ATRNL1: variants seen among roughly 807,000 people sequenced by gnomAD.
The protein encoded by ATRNL1 is attractin like 1.
A neutral mutation model predicts 182.7 loss-of-function variants in ATRNL1; 95 were observed. The ratio of observed to expected loss-of-function variants is 0.52; its 90% CI spans 0.44 to 0.62. The LOEUF (loss-of-function observed/expected upper bound fraction) is 0.62, where lower values mean the gene tolerates loss of function less well. Among genes scored for constraint, ATRNL1 ranks in the 20% least tolerant of loss-of-function variants. The pLI is 0.00. For missense variants in ATRNL1, 1,471 were observed against 1,679.5 expected (o/e 0.88, Z 2.17); for synonymous variants, 576 against 568.3 (o/e 1.01, Z -0.19).
chr10:115,462,325 A>C (rs1414117044), intron 22 of ATRNL1, among the ~76,000 whole-genome samples: 2 of 152,140 alleles, frequency 1.3e-5, no homozygotes, highest in African/African-American at 2.4e-5. Context: ...ATTTAAAAAT[A>C]AAACTCGTTC....
chr10:115,808,647 A>G (rs1555086192), intron 27 of ATRNL1, among the ~76,000 whole-genome samples: 2 of 152,170 alleles, frequency 1.3e-5, no homozygotes, highest in Non-Finnish European at 2.9e-5. Context: ...TCCCACTAGC[A>G]ATGTGCAAAA....
At chr10:115,942,307 C>A (rs1486133135) in intron 28 of ATRNL1, among the ~76,000 whole-genome samples, 1 of 152,254 alleles carries the variant, frequency 6.6e-6, no homozygotes, top group Non-Finnish European at 1.5e-5. Context: ...GCCGTACTTC[C>A]TGTCACTCCA....
intron 20 of ATRNL1, among the ~76,000 whole-genome samples, chr10:115,399,902 C>T (rs1368746243): frequency 1.3e-5 from 2 of 151,952 alleles, no homozygotes; most frequent in African/African-American, 4.8e-5. Context: ...GATGAAGGCA[C>T]CGAAAGCAAT....
intron 19 of ATRNL1, among the ~76,000 whole-genome samples, chr10:115,391,746 C>T (rs1181830157): frequency 6.6e-6 from 1 of 151,720 alleles, no homozygotes; most frequent in East Asian, 1.9e-4. Flanking sequence ...GAGATGAACA[C>T]TAGAAAGTCT....
At chr10:115,470,355 T>G (rs2134568566) in intron 24 of ATRNL1, among the ~76,000 whole-genome samples, 1 of 150,646 alleles carries the variant, frequency 6.6e-6, no homozygotes, top group East Asian at 1.9e-4. Context: ...AATTTACTTC[T>G]TCATTGTATA....
intron 13 of ATRNL1, among the ~76,000 whole-genome samples, chr10:115,272,054 C>A (rs1219936478): frequency 6.6e-6 from 1 of 152,150 alleles, no homozygotes; most frequent in Non-Finnish European, 1.5e-5. Flanking sequence ...TCCTATTCTG[C>A]CATGTGAGAT....
chr10:115,905,308 C>T (rs1555114302), intron 28 of ATRNL1, among the ~76,000 whole-genome samples: 1 of 152,048 alleles, frequency 6.6e-6, no homozygotes, highest in East Asian at 1.9e-4. Context: ...GCAACCTCAA[C>T]CTGCCAGGCT....
chr10:115,102,119 T>C (rs1843793366), intron 1 of ATRNL1, among the ~76,000 whole-genome samples: 1 of 152,198 alleles, frequency 6.6e-6, no homozygotes, highest in Non-Finnish European at 1.5e-5. Context: ...AGTTATAATT[T>C]TGTATTTACC....
chr10:115,352,378 C>T (rs1345854217), intron 19 of ATRNL1, among the ~76,000 whole-genome samples: 1 of 151,588 alleles, frequency 6.6e-6, no homozygotes, highest in African/African-American at 2.4e-5. Flanking sequence ...TTTTTATTTT[C>T]TAAGATGCAC....
At chr10:115,606,933 TCTAA>T (rs1351920270) in intron 26 of ATRNL1, among the ~76,000 whole-genome samples, 87 of 152,098 alleles carry the variant, frequency 5.7e-4, no homozygotes, top group African/African-American at 1.5e-3. Context: ...AGATACGCTC[TCTAA>T]CTGTCAGCGT....
At position 115,371,110 on chromosome 10, in the gene ATRNL1, T is replaced by C. The variant is rs538763769; in HGVS notation, c.3176-23549T>C. On this transcript the variant is annotated intron_variant, in intron 19 of 28. Coordinates refer to ENST00000355044, the MANE Select transcript of ATRNL1 (RefSeq NM_207303.4). ...GTACACAGAAGTCAAGAATTGAGGT[T>C]TGGGAACCTCTTCCTGGATTTCAGA... Among the ~76,000 whole-genome samples, 6 of 152,306 alleles carry C rather than the reference T, an allele frequency of 3.9e-5. No homozygotes were observed. In the South Asian group the frequency reaches 1.2e-3, roughly 32 times the overall value.
intron 9 of ATRNL1, among the ~76,000 whole-genome samples, chr10:115,217,855 A>G (rs1849291093): frequency 6.6e-6 from 1 of 152,146 alleles, no homozygotes. Flanking sequence ...ATCAGTGAGC[A>G]CTAATTGATT....
intron 20 of ATRNL1, among the ~76,000 whole-genome samples, chr10:115,410,422 A>C (rs2134336707): frequency 6.6e-6 from 1 of 151,940 alleles, no homozygotes; most frequent in African/African-American, 2.4e-5. Flanking sequence ...CTCGGGTTCA[A>C]GTGATTCTCC....
chr10:115,450,004 G>A (rs1554967353), intron 21 of ATRNL1, among the ~76,000 whole-genome samples: 2 of 152,044 alleles, frequency 1.3e-5, no homozygotes, highest in African/African-American at 4.8e-5. Flanking sequence ...TTTGACACAA[G>A]CAAATCAATA....
rs11197197 is a variant in ATRNL1 at position 115,389,010 on chromosome 10, C to T, written c.3176-5649C>T. Among the ~76,000 whole-genome samples, 85 of 152,064 alleles carry T rather than the reference C, an allele frequency of 5.6e-4. 1 individual carries two copies. In the East Asian group the frequency reaches 0.015, roughly 27 times the overall value. On this transcript the variant is annotated intron_variant, in intron 19 of 28. Coordinates refer to ENST00000355044, the MANE Select transcript of ATRNL1 (RefSeq NM_207303.4). ...TCCAGTAGATTACTAAAGCTTATTC[C>T]TCCTAACCGAAATTTTGTACTCTTT...
At chr10:115,559,875 A>G (rs1554998777) in intron 26 of ATRNL1, among the ~76,000 whole-genome samples, 2 of 152,200 alleles carry the variant, frequency 1.3e-5, no homozygotes, top group Non-Finnish European at 2.9e-5. Flanking sequence ...ATTTTACTGT[A>G]TATAGTAGTC....
At chr10:115,241,969 T>C (rs1457370663) in intron 10 of ATRNL1, among the ~76,000 whole-genome samples, 1 of 152,052 alleles carries the variant, frequency 6.6e-6, no homozygotes, top group Non-Finnish European at 1.5e-5. Context: ...GATGTCCTTT[T>C]TGAAGACTTT....
chr10:115,765,707 T>C (rs1051317568), intron 27 of ATRNL1, among the ~76,000 whole-genome samples: 1 of 152,218 alleles, frequency 6.6e-6, no homozygotes, highest in African/African-American at 2.4e-5. Flanking sequence ...TAAAAAATTA[T>C]TACAGTACCG....
chr10:115,138,320 A>G (rs1186911481), intron 5 of ATRNL1, among the ~76,000 whole-genome samples: 1 of 152,164 alleles, frequency 6.6e-6, no homozygotes, highest in African/African-American at 2.4e-5. Context: ...CAGCTCCACT[A>G]GGTGGTGCCC....
Sources: gnomAD v4.1 joint callset for allele counts (sites outside exome capture counted in the v4.1 genomes callset) on GRCh38, gnomAD v4.1.1 for gene constraint, MANE v1.5 for transcripts, NCBI Gene and HGNC (gene_info 2026-07-23, HGNC 2026-07-21) for gene names.